TBCD: variants seen among roughly 807,000 people sequenced by gnomAD.
TBCD encodes the protein tubulin folding cofactor D.
Under a neutral mutation model 169.3 loss-of-function variants are expected in TBCD, and 105 were observed. The ratio of observed to expected loss-of-function variants is 0.62; its 90% CI spans 0.53 to 0.73. TBCD has a LOEUF of 0.73. TBCD is among the 30% of genes least tolerant of loss of function. TBCD has a pLI of 0.00. For synonymous variants in TBCD, 700 were observed against 643.9 expected (o/e 1.09, Z -1.32); for missense variants, 1,444 against 1,600.1 (o/e 0.90, Z 1.66).
intron 13 of TBCD, among the ~76,000 whole-genome samples, chr17:82,828,925 C>T (rs578262546): frequency 1.9e-4 from 29 of 151,466 alleles, no homozygotes; most frequent in African/African-American, 6.8e-4. Context: ...CACACCTACA[C>T]AGTCGAGTGT....
chr17:82,882,654 A>G (rs1382761060), intron 14 of TBCD, among the ~76,000 whole-genome samples: 1 of 152,192 alleles, frequency 6.6e-6, no homozygotes, highest in African/African-American at 2.4e-5. Context: ...TGCGAGATGC[A>G]GGAAAACAGG....
intron 23 of TBCD, among the ~76,000 whole-genome samples, chr17:82,912,746 T>C (rs1399805011): frequency 6.6e-6 from 1 of 152,206 alleles, no homozygotes; most frequent in Non-Finnish European, 1.5e-5. Context: ...TGTCCACACC[T>C]CCCAGCCCTG....
chr17:82,808,896 G>A lies in TBCD; in HGVS notation c.1149-812G>A, dbSNP rs1232900947. Among the ~76,000 whole-genome samples, 4 of 146,080 alleles carry A rather than the reference G, an allele frequency of 2.7e-5. No homozygotes were observed. In the East Asian group the frequency reaches 8.4e-4, roughly 31 times the overall value. On this transcript the variant is annotated intron_variant, in intron 11 of 38. Transcript: ENST00000355528. ...ATCAGGGTGGTCCCTGCTATGGAGG[G>A]GACAAGGCAGGTGGAGGGGATAAGG...
intron 7 of TBCD, among the ~76,000 whole-genome samples, chr17:82,784,956 G>C (rs1272116217): frequency 6.6e-6 from 1 of 151,196 alleles, no homozygotes; most frequent in East Asian, 2.0e-4. Flanking sequence ...CATGCTGTGT[G>C]ACTGAGACCA....
At chr17:82,785,122 G>A (rs1343710551) in intron 7 of TBCD, among the ~76,000 whole-genome samples, 4 of 84,284 alleles carry the variant, frequency 4.7e-5, no homozygotes, top group East Asian at 3.5e-4. Flanking sequence ...TGTGTGACTG[G>A]GACCACTGGA....
In TBCD at chr17:82,832,026, C is replaced by T. The variant is rs142460137; in HGVS notation, c.1318+17092C>T. 155 of 1,612,504 alleles carry T rather than the reference C, an allele frequency of 9.6e-5. 1 individual carries two copies. The Middle Eastern group carries it at 1.3e-3, about 14-fold the overall frequency. On this transcript the variant is annotated intron_variant, in intron 13 of 38. Transcript: ENST00000355528. This position sits in a 1 kb window ranked among gnomAD's most constrained non-coding sequence, Gnocchi z 4.9. ...CAGGCTGGGCACCGAGGGCGGCTTCCGGAGCTGGGCTCTTGCAGGGTGATG... is the reference window on the plus strand; with the variant it reads ...CAGGCTGGGCACCGAGGGCGGCTTCTGGAGCTGGGCTCTTGCAGGGTGATG...
rs2061372568 is a variant in TBCD, at chr17:82,920,770, G to A, written c.2101+152G>A. On this transcript the variant is annotated intron_variant, in intron 24 of 38. Transcript: ENST00000355528. This position sits in a 1 kb window ranked among gnomAD's most constrained non-coding sequence, Gnocchi z 4.1. ...ATACGTTGCCTTGAAGTTGTTACAA[G>A]AACCTGCTTAAATAATGGGTACCCA... Among the ~76,000 whole-genome samples the A allele has an allele frequency of 6.7e-6, 1 of 150,008 alleles. No homozygotes were observed. Among genetic ancestry groups the A allele is most frequent in the African/African-American group, 2.4e-5 (1 of 41,114 alleles).
Position 82,930,290 on chromosome 17 carries a change from G to T in TBCD, c.2992-232G>T. On this transcript the variant is annotated intron_variant, in intron 32 of 38. Transcript: ENST00000355528. The surrounding 1 kb of genome is among the most constrained non-coding windows in gnomAD (Gnocchi z 5.2). ...TCACGTGCTCTCCCGCATGTCCTAA[G>T]TGAGGGCTCAGGCTGAGCTGCCGTT... 1 of 564,214 alleles carries T rather than the reference G, an allele frequency of 1.8e-6. No homozygotes were observed. The highest frequency in any genetic ancestry group is 2.3e-5 in the South Asian group (1 of 42,690). 35.0% of individuals were successfully genotyped at this position (564,214 alleles called of 1,614,324 possible).
intron 15 of TBCD, among the ~76,000 whole-genome samples, chr17:82,888,728 C>T (rs964256068): frequency 1.3e-5 from 2 of 152,154 alleles, no homozygotes; most frequent in Admixed American, 6.5e-5. Flanking sequence ...TGGCTGTGTT[C>T]GGCTCCTTAC....
intron 6 of TBCD, among the ~76,000 whole-genome samples, chr17:82,776,057 A>G (rs1053276648): frequency 6.6e-6 from 1 of 152,092 alleles, no homozygotes; most frequent in Non-Finnish European, 1.5e-5. Flanking sequence ...TCTCCACTAA[A>G]AATACAAAAA....
intron 15 of TBCD, among the ~76,000 whole-genome samples, chr17:82,885,918 C>G (rs762394085): frequency 6.6e-6 from 1 of 152,190 alleles, no homozygotes; most frequent in African/African-American, 2.4e-5. Flanking sequence ...TTGAGGGCCT[C>G]ATAATTGGGA....
intron 12 of TBCD, among the ~76,000 whole-genome samples, chr17:82,812,385 T>G (rs1014804665): frequency 1.3e-5 from 2 of 152,070 alleles, no homozygotes; most frequent in African/African-American, 4.8e-5. Flanking sequence ...GCTTTACGGT[T>G]TCATCGAGGT....
At chr17:82,846,495 A>G (rs7208121) in intron 13 of TBCD, among the ~76,000 whole-genome samples, 69,482 of 150,960 alleles carry the variant, frequency 0.46, 16,093 homozygotes, top group East Asian at 0.57. Context: ...CTGCTGCTGC[A>G]GGGCCCTGCT....
chr17:82,928,000 G>C lies in TBCD; in HGVS notation c.2693+12G>C. ...ATCGAGGCCCATACGTGAGTGTCAC[G>C]TCGCAGCTCTTCTGCATCCTAGAGG... is the stretch of plus-strand genomic sequence containing the variant. On this transcript the variant is annotated intron_variant, in intron 30 of 38. Transcript: ENST00000355528. 1 of 1,607,214 alleles carries C rather than the reference G, an allele frequency of 6.2e-7. No individual in the cohort carries two copies. Among genetic ancestry groups the C allele is most frequent in the Non-Finnish European group, 8.5e-7 (1 of 1,178,594 alleles).
chr17:82,807,231 C>T (rs143608755), intron 10 of TBCD, among the ~76,000 whole-genome samples: 3 of 152,360 alleles, frequency 2.0e-5, no homozygotes, highest in African/African-American at 4.8e-5. Context: ...GAGACGTCTT[C>T]GTGCAGCCGC....
At chr17:82,804,754 C>A (rs1344686390) in intron 9 of TBCD, among the ~76,000 whole-genome samples, 1 of 152,182 alleles carries the variant, frequency 6.6e-6, no homozygotes, top group Admixed American at 6.5e-5. Flanking sequence ...GTATTCTGTT[C>A]CTTGGGAGGG....
chr17:82,852,428 A>G (rs536130467), intron 13 of TBCD, among the ~76,000 whole-genome samples: 4 of 152,206 alleles, frequency 2.6e-5, no homozygotes, highest in South Asian at 2.1e-4. Context: ...TATCCCTCAC[A>G]GTTCTGGAGG....
intron 13 of TBCD, among the ~76,000 whole-genome samples, chr17:82,851,498 T>C (rs904382299): frequency 3.3e-5 from 5 of 152,300 alleles, no homozygotes; most frequent in East Asian, 3.9e-4. Flanking sequence ...GAGTCTGCGA[T>C]GTGGACTGCA....
chr17:82,867,115 C>G (rs74000114), intron 13 of TBCD, among the ~76,000 whole-genome samples: 1,569 of 152,306 alleles, frequency 0.01, 20 homozygotes, highest in African/African-American at 0.035. Context: ...AACCTGGGCT[C>G]CCCTACCGAG....
Sources: gnomAD v4.1 joint callset for allele counts (sites outside exome capture counted in the v4.1 genomes callset) on GRCh38, gnomAD v4.1.1 for gene constraint, Gnocchi (gnomAD v3.1) non-coding constraint, MANE v1.5 for transcripts, NCBI Gene and HGNC (gene_info 2026-07-23, HGNC 2026-07-21) for gene names.